Variants in EXT1 observed in about 807,000 individuals in gnomAD.
EXT1 encodes exostosin-1.
EXT1 carries 20 observed loss-of-function variants against 82.5 expected under a neutral mutation model. The observed-to-expected ratio is 0.24, with a 90% CI of 0.17 to 0.35. EXT1 has a LOEUF of 0.35. EXT1 is among the 10% of genes least tolerant of loss of function. The pLI is 1.00. For missense variants in EXT1, 757 were observed against 936.5 expected (o/e 0.81, Z 2.50); for synonymous variants, 348 against 350.8 (o/e 0.99, Z 0.09).
intron 1 of EXT1, among the ~76,000 whole-genome samples, chr8:118,064,301 G>C (rs1816937485): frequency 6.6e-6 from 1 of 151,974 alleles, no homozygotes; most frequent in South Asian, 2.1e-4. Context: ...TCTACATTAG[G>C]TATTTCTCCT....
At chr8:117,847,664 C>G (rs1812384565) in intron 1 of EXT1, among the ~76,000 whole-genome samples, 1 of 152,162 alleles carries the variant, frequency 6.6e-6, no homozygotes, top group Admixed American at 6.5e-5. Context: ...TCCCTCTGCA[C>G]AGAAAACTGA....
At position 117,807,329 on chromosome 8, in the gene EXT1, C is replaced by G; in HGVS notation, c.1771G>C (p.Gly591Arg). The part of the protein sequence containing the change: ...VWQSFPERIV[G>R]YPARSHFWDN... ...CAGAAGTGGCTGCGCGCGGGGTACC[C>G]CACAATCCTCTCAGGGAAGCTCTGC... Residue 591 changes from glycine to arginine, a missense_variant, in exon 9 of 11, where the codon GGG becomes CGG. Physicochemically the swap from Gly to Arg is moderately radical, Grantham distance 125 (BLOSUM62 -2). Transcript: ENST00000378204. 6.2e-7 allele frequency: 1 copy of G among 1,614,130 alleles called. No individual in the cohort carries two copies. Among genetic ancestry groups the G allele is most frequent in the Non-Finnish European group, 8.5e-7 (1 of 1,180,014 alleles).
chr8:117,977,212 C>T (rs556173429), intron 1 of EXT1, among the ~76,000 whole-genome samples: 1 of 151,812 alleles, frequency 6.6e-6, no homozygotes, highest in Non-Finnish European at 1.5e-5. Flanking sequence ...CATGGTGAAA[C>T]CCTGTCTCTA....
chr8:117,989,568 G>T lies in EXT1; in HGVS notation c.962+120517C>A, dbSNP rs185196022. Among the ~76,000 whole-genome samples, 87 of 152,274 alleles carry T rather than the reference G, an allele frequency of 5.7e-4. 1 individual carries two copies. Among genetic ancestry groups the T allele is most frequent in the African/African-American group, 2.0e-3 (84 of 41,556 alleles). On this transcript the variant is annotated intron_variant, in intron 1 of 10. Transcript: ENST00000378204. ...GTTTGCTAACTGTTCCTCTCATGGG[G>T]AAGAACAACTTGGGGAAAGCCCTGT...
chr8:117,857,137 C>A (rs573931423), intron 1 of EXT1, among the ~76,000 whole-genome samples: 1 of 152,170 alleles, frequency 6.6e-6, no homozygotes. Context: ...AGAAAAATTT[C>A]TTTTAAAATA....
intron 1 of EXT1, among the ~76,000 whole-genome samples, chr8:117,875,141 G>A (rs1407324960): frequency 6.6e-6 from 1 of 151,984 alleles, no homozygotes; most frequent in Non-Finnish European, 1.5e-5. Context: ...ATGGGGCCAG[G>A]CGCCGTGGCT....
chr8:117,997,279 T>C (rs1460653258), intron 1 of EXT1, among the ~76,000 whole-genome samples: 4 of 143,598 alleles, frequency 2.8e-5, no homozygotes, highest in African/African-American at 1.0e-4. Flanking sequence ...TTTATATATA[T>C]ATACTTTATA....
intron 5 of EXT1, among the ~76,000 whole-genome samples, chr8:117,821,955 C>A (rs1002214045): frequency 1.3e-5 from 2 of 152,160 alleles, no homozygotes; most frequent in African/African-American, 2.4e-5. Flanking sequence ...CTTTTTATTT[C>A]TAGTACCCAG....
At chr8:117,924,522 G>C (rs1293881995) in intron 1 of EXT1, among the ~76,000 whole-genome samples, 1 of 152,204 alleles carries the variant, frequency 6.6e-6, no homozygotes, top group African/African-American at 2.4e-5. Context: ...GCAGTTGCCT[G>C]TAATTACTGT....
intron 10 of EXT1, among the ~76,000 whole-genome samples, chr8:117,802,104 G>A (rs886296442): frequency 6.6e-6 from 1 of 152,186 alleles, no homozygotes; most frequent in African/African-American, 2.4e-5. Flanking sequence ...TAATGTGTAT[G>A]ATGGAAAGAA....
intron 4 of EXT1, among the ~76,000 whole-genome samples, chr8:117,827,141 G>A (rs1324434698): frequency 6.6e-6 from 1 of 152,190 alleles, no homozygotes; most frequent in Non-Finnish European, 1.5e-5. Flanking sequence ...GAGATTCTAG[G>A]TGGATATAAT....
At chr8:117,986,095 T>G (rs1815311278) in intron 1 of EXT1, among the ~76,000 whole-genome samples, 1 of 152,200 alleles carries the variant, frequency 6.6e-6, no homozygotes, top group African/African-American at 2.4e-5. Flanking sequence ...ACTAAAAATT[T>G]TATTACTGTA....
intron 1 of EXT1, among the ~76,000 whole-genome samples, chr8:118,032,897 C>G (rs1816353519): frequency 6.6e-6 from 1 of 152,096 alleles, no homozygotes; most frequent in African/African-American, 2.4e-5. Flanking sequence ...AAAATTTTCT[C>G]CCAGGTGAAA....
In EXT1 at chr8:117,799,580, T is replaced by A. The variant is rs1164702684; in HGVS notation, c.*132A>T. On this transcript the variant is annotated 3_prime_UTR_variant, in exon 11 of 11. Transcript: ENST00000378204. ...GTTCTCATTGGCCTTTTTTTTTTTGTCATTCTGCTCATCTAAGTTTTTGGA... is the reference window on the plus strand; with the variant it reads ...GTTCTCATTGGCCTTTTTTTTTTTGACATTCTGCTCATCTAAGTTTTTGGA... 3.0e-6 allele frequency: 3 copies of A among 1,013,838 alleles called. No homozygotes were observed. Among genetic ancestry groups the A allele is most frequent in the Non-Finnish European group, 4.4e-6 (3 of 676,116 alleles). 62.8% of individuals were successfully genotyped at this position (1,013,838 alleles called of 1,614,324 possible). A position where few individuals can be genotyped will look rare whatever the true frequency, so the allele number is the denominator to read the frequency against.
At chr8:117,840,722 T>C (rs1812262327) in intron 1 of EXT1, among the ~76,000 whole-genome samples, 1 of 151,840 alleles carries the variant, frequency 6.6e-6, no homozygotes, top group Non-Finnish European at 1.5e-5. Context: ...AATAAAAAGA[T>C]AAATAATCAA....
intron 1 of EXT1, among the ~76,000 whole-genome samples, chr8:118,026,455 C>A (rs1306808000): frequency 6.6e-6 from 1 of 152,042 alleles, no homozygotes; most frequent in African/African-American, 2.4e-5. Context: ...ATGAACCTGC[C>A]TCTTGGTTAT....
intron 1 of EXT1, among the ~76,000 whole-genome samples, chr8:118,078,313 C>T (rs538629468): frequency 3.9e-5 from 6 of 152,336 alleles, no homozygotes; most frequent in African/African-American, 1.4e-4. Flanking sequence ...ATTCTCATGT[C>T]TCTGCTTCCC....
chr8:117,852,557 T>G (rs1204718469), intron 1 of EXT1, among the ~76,000 whole-genome samples: 1 of 152,218 alleles, frequency 6.6e-6, no homozygotes, highest in Non-Finnish European at 1.5e-5. Flanking sequence ...AGACTTTATA[T>G]GACTCTTAGT....
chr8:118,030,916 C>T (rs1816303700), intron 1 of EXT1, among the ~76,000 whole-genome samples: 1 of 152,204 alleles, frequency 6.6e-6, no homozygotes, highest in South Asian at 2.1e-4. Context: ...ACTTGGTTCA[C>T]TTTCACTCTT....
Sources: gnomAD v4.1 joint callset for allele counts (sites outside exome capture counted in the v4.1 genomes callset) on GRCh38, gnomAD v4.1.1 for gene constraint, MANE v1.5 for transcripts, NCBI Gene and HGNC (gene_info 2026-07-23, HGNC 2026-07-21) for gene names.